Variants in LRRC4C observed in about 807,000 individuals in gnomAD.
LRRC4C encodes the protein leucine-rich repeat-containing protein 4C.
A neutral mutation model predicts 33.6 loss-of-function variants in LRRC4C; 5 were observed. The ratio of observed to expected loss-of-function variants is 0.15; its 90% confidence interval spans 0.08 to 0.31. LRRC4C has a LOEUF of 0.31. LRRC4C is among the 10% of genes least tolerant of loss of function. The pLI is 1.00. For synonymous variants in LRRC4C, 329 were observed against 302.0 expected (o/e 1.09, Z -0.93); for missense variants, 560 against 796.7 (o/e 0.70, Z 3.58).
chr11:40,185,652 T>G (rs1861346054), intron 5 of LRRC4C, among the ~76,000 whole-genome samples: 2 of 152,204 alleles, frequency 1.3e-5, no homozygotes, highest in African/African-American at 4.8e-5. Flanking sequence ...AAAATAATCA[T>G]CAATATGTGG....
intron 2 of LRRC4C, among the ~76,000 whole-genome samples, chr11:40,691,145 C>T (rs1945202305): frequency 6.6e-6 from 1 of 151,714 alleles, no homozygotes; most frequent in Non-Finnish European, 1.5e-5. Flanking sequence ...ATTTTATAAA[C>T]ACAAAAAAAG....
chr11:40,827,288 T>C (rs1952206484), intron 2 of LRRC4C, among the ~76,000 whole-genome samples: 1 of 151,890 alleles, frequency 6.6e-6, no homozygotes, highest in Non-Finnish European at 1.5e-5. Flanking sequence ...CCATACTAAT[T>C]TGTATTCCTT....
intron 1 of LRRC4C, among the ~76,000 whole-genome samples, chr11:41,438,524 C>T (rs72898524): frequency 1.8e-4 from 28 of 152,124 alleles, no homozygotes; most frequent in Non-Finnish European, 2.4e-4. Flanking sequence ...GGGATATAAA[C>T]GATGAGAAAG....
chr11:41,192,280 T>C (rs1302768848), intron 1 of LRRC4C, among the ~76,000 whole-genome samples: 1 of 151,956 alleles, frequency 6.6e-6, no homozygotes, highest in Non-Finnish European at 1.5e-5. Flanking sequence ...TTCACTTCTT[T>C]TGTCAGAACT....
intron 4 of LRRC4C, among the ~76,000 whole-genome samples, chr11:40,265,175 A>T (rs1251499460): frequency 4.6e-5 from 7 of 152,064 alleles, no homozygotes; most frequent in Non-Finnish European, 1.0e-4. Context: ...CATTTCTTTC[A>T]TTGTACTGTA....
intron 2 of LRRC4C, among the ~76,000 whole-genome samples, chr11:40,915,468 G>T (rs979632682): frequency 6.6e-6 from 1 of 152,146 alleles, no homozygotes; most frequent in Non-Finnish European, 1.5e-5. Context: ...TTTAATAAAT[G>T]GTGCTGGGAA....
At position 41,300,790 on chromosome 11, in the gene LRRC4C, C is replaced by T. The variant is rs1950263284; in HGVS notation, c.-496+158641G>A. On this transcript the variant is annotated intron_variant, in intron 1 of 6. Coordinates refer to ENST00000528697, the MANE Select transcript of LRRC4C (RefSeq NM_001258419.2). ...ATCTAATTAGCAAATTTTGCTTGCACCTCTGCCCTTGAAAGCCCCAGTATA... is the reference window on the plus strand; with the variant it reads ...ATCTAATTAGCAAATTTTGCTTGCATCTCTGCCCTTGAAAGCCCCAGTATA... Among the ~76,000 whole-genome samples the T allele has an allele frequency of 3.3e-5, 5 of 152,146 alleles. 1 individual carries two copies. The South Asian group carries it at 1.0e-3, about 32-fold the overall frequency.
chr11:40,787,514 T>C (rs1447638161), intron 2 of LRRC4C, among the ~76,000 whole-genome samples: 1 of 152,320 alleles, frequency 6.6e-6, no homozygotes, highest in East Asian at 1.9e-4. Context: ...TCTAGTTTCC[T>C]CCTTTGAGAG....
intron 3 of LRRC4C, among the ~76,000 whole-genome samples, chr11:40,352,354 C>G (rs1258034667): frequency 1.3e-5 from 2 of 151,888 alleles, no homozygotes; most frequent in Non-Finnish European, 2.9e-5. Flanking sequence ...ATTGCAATAA[C>G]AAACAAACAA....
intron 3 of LRRC4C, among the ~76,000 whole-genome samples, chr11:40,646,477 CT>C (rs1255752118): frequency 6.6e-6 from 1 of 152,060 alleles, no homozygotes. Flanking sequence ...CTAAATGAGC[CT>C]TTTTTCTCAA....
rs149525110 is a variant in LRRC4C at position 41,184,917 on chromosome 11, G to A, written c.-495-251194C>T. Among the ~76,000 whole-genome samples the A allele has an allele frequency of 8.2e-3, 1,244 of 152,112 alleles. 29 individuals carry two copies. The highest frequency in any genetic ancestry group is 0.046 in the Admixed American group (706 of 15,268). ...CAAAGAGGAGCAAGTCATATCTTAC[G>A]TGGATGGTGGCAGGCAAATAGAGAA... On this transcript the variant is annotated intron_variant, in intron 1 of 6. Transcript: ENST00000528697.
intron 1 of LRRC4C, among the ~76,000 whole-genome samples, chr11:41,342,595 A>G (rs1177352541): frequency 2.6e-5 from 4 of 152,082 alleles, no homozygotes; most frequent in Admixed American, 2.6e-4. Context: ...TGCGCCTGTA[A>G]TTCCAGATAC....
At chr11:41,193,062 T>G (rs917543111) in intron 1 of LRRC4C, among the ~76,000 whole-genome samples, 2 of 152,134 alleles carry the variant, frequency 1.3e-5, no homozygotes, top group Non-Finnish European at 2.9e-5. Context: ...CAGTCAGGCT[T>G]ATGATGAGGA....
At chr11:41,445,791 G>A (rs1013169800) in intron 1 of LRRC4C, among the ~76,000 whole-genome samples, 4 of 151,504 alleles carry the variant, frequency 2.6e-5, no homozygotes, top group African/African-American at 4.9e-5. Flanking sequence ...AACAAAAAAA[G>A]AACTTTTTTT....
At position 41,123,274 on chromosome 11, in the gene LRRC4C, T is replaced by G. The variant is rs1336730336; in HGVS notation, c.-495-189551A>C. Among the ~76,000 whole-genome samples, 84 of 134,466 alleles carry G rather than the reference T, an allele frequency of 6.2e-4. 2 individuals carry two copies. The highest frequency in any genetic ancestry group is 1.8e-3 in the African/African-American group (59 of 33,274). 88.2% of individuals were successfully genotyped at this position (134,466 alleles called of 152,430 possible). A position where few individuals can be genotyped will look rare whatever the true frequency, so the allele number is the denominator to read the frequency against. Reference sequence around the variant, plus strand: ...GAGCTATGTTTTGTTTTTTTTTTTTTTTTTTTTTTTTTTTTTGAGACGGAG... The same window carrying G: ...GAGCTATGTTTTGTTTTTTTTTTTTGTTTTTTTTTTTTTTTTGAGACGGAG... On this transcript the variant is annotated intron_variant, in intron 1 of 6. Coordinates refer to ENST00000528697, the MANE Select transcript of LRRC4C (RefSeq NM_001258419.2).
At chr11:40,874,909 A>G (rs1294678938) in intron 2 of LRRC4C, among the ~76,000 whole-genome samples, 2 of 152,230 alleles carry the variant, frequency 1.3e-5, no homozygotes, top group Admixed American at 6.5e-5. Context: ...GGTTTACAAA[A>G]TGATGGTTCT....
chr11:40,153,301 C>T (rs1449727897), intron 5 of LRRC4C, among the ~76,000 whole-genome samples: 2 of 152,114 alleles, frequency 1.3e-5, no homozygotes, highest in Non-Finnish European at 2.9e-5. Flanking sequence ...AGCCTTCAGC[C>T]TTAGACCTTC....
At chr11:40,406,038 C>T (rs1288653020) in intron 3 of LRRC4C, among the ~76,000 whole-genome samples, 1 of 152,098 alleles carries the variant, frequency 6.6e-6, no homozygotes, top group Non-Finnish European at 1.5e-5. Context: ...TCTTGTCCAA[C>T]AGCTGAATTA....
chr11:40,729,908 A>G (rs113602816), intron 2 of LRRC4C, among the ~76,000 whole-genome samples: 3 of 152,338 alleles, frequency 2.0e-5, no homozygotes, highest in African/African-American at 4.8e-5. Context: ...AATATACACC[A>G]TGGAATACTA....
Sources: gnomAD v4.1 joint callset for allele counts (sites outside exome capture counted in the v4.1 genomes callset) on GRCh38, gnomAD v4.1.1 for gene constraint, MANE v1.5 for transcripts, NCBI Gene and HGNC (gene_info 2026-07-23, HGNC 2026-07-21) for gene names.